The following SNX13 variants were observed in gnomAD, a reference collection of about 807,000 sequenced individuals.
SNX13 encodes the protein sorting nexin-13.
Under a neutral mutation model 133.6 loss-of-function variants are expected in SNX13, and 45 were observed. The observed-to-expected ratio is 0.34, with a 90% CI of 0.27 to 0.43. SNX13 has a LOEUF of 0.43. Ranked by LOEUF, SNX13 falls within the 20% of genes least tolerant of loss-of-function variation. SNX13 has a pLI of 1.00. For missense variants in SNX13, 1,032 were observed against 1,145.1 expected, an observed-to-expected ratio of 0.90 and a Z score of 1.43; for synonymous variants, 414 against 373.9, an observed-to-expected ratio of 1.11 and a Z score of -1.24.
chr7:17,840,209 T>C (rs527315611), intron 12 of SNX13, among the ~76,000 whole-genome samples: 86 of 152,178 alleles, frequency 5.7e-4, no homozygotes, highest in African/African-American at 2.0e-3. Flanking sequence ...AGTGAAGTCG[T>C]GTATTTCAGA....
chr7:17,923,201 T>C (rs557772420), intron 1 of SNX13, among the ~76,000 whole-genome samples: 1 of 152,118 alleles, frequency 6.6e-6, no homozygotes, highest in Admixed American at 6.5e-5. Context: ...ACATGAAATA[T>C]CCTGTTTGAG....
chr7:17,831,300 A>G (rs1331397334), intron 15 of SNX13: 1 of 943,646 alleles, frequency 1.1e-6, no homozygotes, highest in African/African-American at 1.8e-5. Flanking sequence ...TGAGACAAAT[A>G]ATGTTGAGAT....
chr7:17,801,759 A>T, intron 21 of SNX13, 100 bp from the exon 22 acceptor site: 1 of 854,914 alleles, frequency 1.2e-6, no homozygotes, highest in Non-Finnish European at 1.8e-6. Context: ...ATTTGATCTG[A>T]CTTTTGGTAC....
At chr7:17,805,240 T>TGC (rs768695122) in intron 20 of SNX13, among the ~76,000 whole-genome samples, 8 of 115,996 alleles carry the variant, frequency 6.9e-5, no homozygotes, top group African/African-American at 1.5e-4. Flanking sequence ...TGTGTGTGTG[T>TGC]GTGTGTGTGT....
chr7:17,856,887 A>T (rs937983114), intron 9 of SNX13, among the ~76,000 whole-genome samples: 3 of 151,872 alleles, frequency 2.0e-5, no homozygotes, highest in African/African-American at 7.2e-5. Flanking sequence ...CCAAACCCCA[A>T]ATTAAGATTT....
rs1444604113 is a variant in SNX13 at position 17,793,529 on chromosome 7, A to G, written c.*516T>C. On this transcript the variant is annotated 3_prime_UTR_variant, in exon 26 of 26. Coordinates refer to ENST00000428135, the MANE Select transcript of SNX13 (RefSeq NM_015132.5). Reference sequence around the variant, plus strand: ...TTAAGGGCATTCTGTCTCTTTCTCCAGACCTGAAAGAGATGTTTCAAGGAT... The same window carrying G: ...TTAAGGGCATTCTGTCTCTTTCTCCGGACCTGAAAGAGATGTTTCAAGGAT... The G allele has an allele frequency of 6.6e-6, 1 of 152,216 alleles. No homozygotes were observed. The highest frequency in any genetic ancestry group is 1.5e-5 in the Non-Finnish European group (1 of 68,116). 9.4% of individuals were successfully genotyped at this position (152,216 alleles called of 1,614,324 possible). A position where few individuals can be genotyped will look rare whatever the true frequency, so the allele number is the denominator to read the frequency against.
At chr7:17,872,912 T>C (rs1412505406) in intron 8 of SNX13, among the ~76,000 whole-genome samples, 2 of 152,184 alleles carry the variant, frequency 1.3e-5, no homozygotes, top group African/African-American at 2.4e-5. Flanking sequence ...ACTCTGAAGG[T>C]TTATACTCAG....
At chr7:17,857,562 T>C (rs1316511796) in intron 9 of SNX13, among the ~76,000 whole-genome samples, 1 of 152,102 alleles carries the variant, frequency 6.6e-6, no homozygotes, top group Admixed American at 6.6e-5. Flanking sequence ...AGGTGGCGGA[T>C]CACCAGAGGT....
chr7:17,826,147 G>C, intron 16 of SNX13, 56 bp from the exon 17 acceptor site: 1 of 1,173,776 alleles, frequency 8.5e-7, no homozygotes, highest in Non-Finnish European at 1.2e-6. Context: ...AAAAAAAAGA[G>C]TAAAGAATTC....
At chr7:17,884,508 C>G (rs890423665) in intron 5 of SNX13, among the ~76,000 whole-genome samples, 17 of 152,102 alleles carry the variant, frequency 1.1e-4, no homozygotes, top group African/African-American at 3.9e-4. Context: ...GTATAGGCAG[C>G]CACTATCTGG....
At chr7:17,910,999 A>G (rs890107031) in intron 1 of SNX13, among the ~76,000 whole-genome samples, 1 of 152,166 alleles carries the variant, frequency 6.6e-6, no homozygotes, top group Non-Finnish European at 1.5e-5. Context: ...TGAACTCAAT[A>G]CCAATGAATC....
intron 12 of SNX13, among the ~76,000 whole-genome samples, chr7:17,842,609 G>A (rs1245600102): frequency 6.6e-6 from 1 of 151,772 alleles, no homozygotes; most frequent in Non-Finnish European, 1.5e-5. Flanking sequence ...TGTTTTCTAT[G>A]GGACTGGAAA....
rs1794990408 is a variant in SNX13 at position 17,878,554 on chromosome 7, C to A, written c.441-2764G>T. On this transcript the variant is annotated intron_variant, in intron 5 of 25. Transcript: ENST00000428135. Reference sequence around the variant, plus strand: ...TCTGAACATAAATTTTGCATGCCTTCATCTCTGTCTCTAATGCCACCATCG... The same window carrying A: ...TCTGAACATAAATTTTGCATGCCTTAATCTCTGTCTCTAATGCCACCATCG... Among the ~76,000 whole-genome samples the A allele has an allele frequency of 2.6e-5, 4 of 152,174 alleles. No individual in the cohort carries two copies. In the South Asian group the frequency reaches 6.2e-4, roughly 24 times the overall value.
chr7:17,858,078 G>A (rs1792145320), intron 9 of SNX13, among the ~76,000 whole-genome samples: 2 of 152,104 alleles, frequency 1.3e-5, no homozygotes. Flanking sequence ...ACATCATATT[G>A]AGTGGAGAAA....
At chr7:17,815,079 C>A in intron 19 of SNX13, 135 bp from the exon 20 acceptor site, 1 of 952,276 alleles carries the variant, frequency 1.1e-6, no homozygotes, top group Non-Finnish European at 1.4e-6. Context: ...TTTAAAAACC[C>A]AATTATACAG....
intron 12 of SNX13, among the ~76,000 whole-genome samples, chr7:17,841,553 T>TACACACACACACACACACACAC (rs71553704): frequency 1.3e-4 from 18 of 143,076 alleles, no homozygotes; most frequent in African/African-American, 4.2e-4. Flanking sequence ...CAGTTATTCA[T>TACACACACACACACACACACAC]ACACACACAC....
chr7:17,831,910 C>G (rs1230779676), intron 15 of SNX13: 1 of 984,332 alleles, frequency 1.0e-6, no homozygotes, highest in Non-Finnish European at 1.2e-6. Context: ...GACAACAAAG[C>G]TGACAGTTAC....
intron 9 of SNX13, among the ~76,000 whole-genome samples, chr7:17,857,659 C>T (rs1792089343): frequency 6.6e-6 from 1 of 152,086 alleles, no homozygotes; most frequent in Admixed American, 6.6e-5. Flanking sequence ...TGGCGGGCAT[C>T]TGTAATCCCA....
At chr7:17,825,254 T>TTAAAC in intron 17 of SNX13, among the ~76,000 whole-genome samples, 1 of 114,820 alleles carries the variant, frequency 8.7e-6, no homozygotes, top group South Asian at 3.2e-4. Context: ...CTAAACTAGA[T>TTAAAC]TAAACTAGAC....
Sources: allele counts gnomAD v4.1 joint callset (sites outside exome capture counted in the v4.1 genomes callset), GRCh38; gene constraint gnomAD v4.1.1; transcripts MANE v1.5; gene names NCBI Gene and HGNC (gene_info 2026-07-23, HGNC 2026-07-21).